Variants in PRELID2 observed in about 807,000 individuals in gnomAD.
The protein encoded by PRELID2 is PRELI domain-containing protein 2.
Under a neutral mutation model 28.4 loss-of-function variants are expected in PRELID2, and 25 were observed. That is an observed-to-expected ratio of 0.88 (90% CI 0.64 to 1.23). PRELID2 has a LOEUF of 1.23. Ranked by LOEUF, PRELID2 falls within the 50% of genes most tolerant of loss-of-function variation. PRELID2 has a pLI of 0.00. For synonymous variants in PRELID2, 76 were observed against 71.6 expected, an observed-to-expected ratio of 1.06 and a Z score of -0.31; for missense variants, 201 against 214.4, an observed-to-expected ratio of 0.94 and a Z score of 0.39.
chr5:145,736,795 G>A (rs528726422), intron 1 of PRELID2, among the ~76,000 whole-genome samples: 1 of 152,254 alleles, frequency 6.6e-6, no homozygotes, highest in South Asian at 2.1e-4. Flanking sequence ...TGAACCCAGA[G>A]AGCTTGGCAC....
chr5:145,591,547 T>A (rs972142496), intron 1 of PRELID2, among the ~76,000 whole-genome samples: 1 of 152,204 alleles, frequency 6.6e-6, no homozygotes, highest in African/African-American at 2.4e-5. Context: ...GAAGTTTGTA[T>A]GTTCATGGCA....
intron 1 of PRELID2, among the ~76,000 whole-genome samples, chr5:145,645,915 G>A (rs1049947791): frequency 2.6e-5 from 4 of 152,148 alleles, no homozygotes; most frequent in African/African-American, 9.7e-5. Flanking sequence ...TTAATCTGAC[G>A]GGCTTCCCTT....
At chr5:145,279,830 G>GA in the PRELID2 span, among the ~76,000 whole-genome samples, 128 of 143,218 alleles carry the variant, frequency 8.9e-4, no homozygotes, top group Middle Eastern at 3.6e-3. Context: ...TAGTTTTTGA[G>GA]AAAAAAAAAA....
chr5:145,395,884 G>A, the PRELID2 span, among the ~76,000 whole-genome samples: 11 of 152,074 alleles, frequency 7.2e-5, no homozygotes, highest in Non-Finnish European at 1.3e-4. Flanking sequence ...TAGTCACTAA[G>A]TTACCTTCTG....
intron 1 of PRELID2, among the ~76,000 whole-genome samples, chr5:145,690,530 A>G (rs1285256232): frequency 6.6e-6 from 1 of 152,178 alleles, no homozygotes; most frequent in African/African-American, 2.4e-5. Flanking sequence ...CATGACAACC[A>G]CAAGAGGCAA....
intron 6 of PRELID2, among the ~76,000 whole-genome samples, chr5:145,761,345 T>C (rs556558393): frequency 1.3e-5 from 2 of 152,332 alleles, no homozygotes; most frequent in South Asian, 4.1e-4. Context: ...ATTGGAACTT[T>C]ATGAGCAATT....
the PRELID2 span, among the ~76,000 whole-genome samples, chr5:145,413,146 AAAT>A: frequency 6.6e-6 from 1 of 152,182 alleles, no homozygotes; most frequent in African/African-American, 2.4e-5. Context: ...CAGAGATAAA[AAAT>A]AATAATAATC....
the PRELID2 span, among the ~76,000 whole-genome samples, chr5:145,246,336 C>G: frequency 1.1e-4 from 17 of 152,102 alleles, no homozygotes; most frequent in African/African-American, 4.1e-4. Context: ...TTATTAAGTA[C>G]CGGGGATATA....
chr5:145,279,068 A>G, the PRELID2 span, among the ~76,000 whole-genome samples: 1 of 152,028 alleles, frequency 6.6e-6, no homozygotes, highest in African/African-American at 2.4e-5. Context: ...ACTTTTTTAA[A>G]CCCATAATAT....
chr5:145,619,959 T>G (rs1042477335), intron 1 of PRELID2, among the ~76,000 whole-genome samples: 1 of 152,178 alleles, frequency 6.6e-6, no homozygotes, highest in Non-Finnish European at 1.5e-5. Flanking sequence ...GTCTGAAAAT[T>G]TCAAGTATTG....
chr5:145,635,273 T>C (rs541460839), intron 1 of PRELID2, among the ~76,000 whole-genome samples: 1 of 152,266 alleles, frequency 6.6e-6, no homozygotes, highest in Non-Finnish European at 1.5e-5. Context: ...GAATCTAAAA[T>C]GGGTTTAGTC....
At chr5:145,340,643 C>T in the PRELID2 span, among the ~76,000 whole-genome samples, 237 of 152,016 alleles carry the variant, frequency 1.6e-3, 4 homozygotes, top group East Asian at 0.039. Context: ...TGGCACATGC[C>T]TGTATTCCAG....
intron 1 of PRELID2, among the ~76,000 whole-genome samples, chr5:145,570,433 G>T (rs564685559): frequency 1.3e-5 from 2 of 152,038 alleles, no homozygotes; most frequent in African/African-American, 2.4e-5. Flanking sequence ...AAAAAAATTT[G>T]CAGGAGTAGT....
chr5:145,795,151 A>G (rs1752653603), intron 5 of PRELID2: 1 of 152,184 alleles, frequency 6.6e-6, no homozygotes. Context: ...ACTCAGTAAG[A>G]AACATGGCAA....
intron 1 of PRELID2, among the ~76,000 whole-genome samples, chr5:145,564,171 G>C (rs1752946542): frequency 6.6e-6 from 1 of 152,128 alleles, no homozygotes; most frequent in African/African-American, 2.4e-5. Context: ...AGAAACTTTG[G>C]TGTACCTGCC....
At chr5:145,402,858 T>C in the PRELID2 span, among the ~76,000 whole-genome samples, 1 of 152,164 alleles carries the variant, frequency 6.6e-6, no homozygotes, top group African/African-American at 2.4e-5. Flanking sequence ...CAGGTAAGTC[T>C]TTTCAAGGAC....
chr5:145,641,333 A>G (rs1336779057), intron 1 of PRELID2, among the ~76,000 whole-genome samples: 1 of 152,208 alleles, frequency 6.6e-6, no homozygotes, highest in Non-Finnish European at 1.5e-5. Flanking sequence ...ATATTAGCAG[A>G]CAGGTCTTAA....
At chr5:145,644,588 G>A (rs139541478) in intron 1 of PRELID2, among the ~76,000 whole-genome samples, 146 of 152,068 alleles carry the variant, frequency 9.6e-4, no homozygotes, top group African/African-American at 3.4e-3. Flanking sequence ...TGCTTCTCTG[G>A]TTCTTTAATT....
intron 1 of PRELID2, among the ~76,000 whole-genome samples, chr5:145,600,664 A>G (rs1360086072): frequency 6.6e-6 from 1 of 152,058 alleles, no homozygotes; most frequent in African/African-American, 2.4e-5. Context: ...CAAGTTTCCT[A>G]CAGATTAATG....
Sources: allele counts gnomAD v4.1 joint callset (sites outside exome capture counted in the v4.1 genomes callset), GRCh38; gene constraint gnomAD v4.1.1; transcripts MANE v1.5; gene names NCBI Gene and HGNC (gene_info 2026-07-23, HGNC 2026-07-21).